DOP1B: variants seen among roughly 807,000 people sequenced by gnomAD.
DOP1B encodes the protein DOP1 leucine zipper like protein B.
Under a neutral mutation model 233.5 loss-of-function variants are expected in DOP1B, and 174 were observed. The observed-to-expected ratio is 0.75, with a 90% CI of 0.66 to 0.85. The LOEUF (loss-of-function observed/expected upper bound fraction) is 0.85. DOP1B is among the 40% of genes least tolerant of loss of function. DOP1B has a pLI of 0.00. For synonymous variants in DOP1B, 1,190 were observed against 1,185.6 expected (o/e 1.00, Z -0.08); for missense variants, 2,652 against 2,846.6 (o/e 0.93, Z 1.56).
chr21:36,245,361 C>T lies in DOP1B; in HGVS notation c.3381C>T (p.Ser1127=), dbSNP rs555683639. The T allele has an allele frequency of 2.5e-6, 4 of 1,614,056 alleles. No homozygotes were observed. In the African/African-American group the frequency reaches 4.0e-5, roughly 16 times the overall value. ...SCHTDSENTS[S]FSSPSHDLQE... Reference sequence around the variant, plus strand: ...ACACGGACAGCGAGAACACGTCCTCCTTCTCCTCCCCTTCCCACGACCTGC... The same window carrying T: ...ACACGGACAGCGAGAACACGTCCTCTTTCTCCTCCCCTTCCCACGACCTGC... The change falls in exon 19 of 37, where the codon TCC becomes TCT. Residue 1127 remains serine, a synonymous_variant. Transcript: ENST00000691173. The surrounding 1 kb of genome is among the most constrained non-coding windows in gnomAD (Gnocchi z 5.5).
intron 24 of DOP1B, among the ~76,000 whole-genome samples, chr21:36,263,000 C>T (rs1027296724): frequency 2.6e-5 from 4 of 151,664 alleles, no homozygotes; most frequent in East Asian, 1.9e-4. Flanking sequence ...TTTGGGAGGC[C>T]GAGGCGGGTG....
chr21:36,182,942 C>A (rs1321172338), intron 2 of DOP1B, among the ~76,000 whole-genome samples: 1 of 152,210 alleles, frequency 6.6e-6, no homozygotes, highest in Non-Finnish European at 1.5e-5. Context: ...GCTCCTTTAG[C>A]CCTGGTTTCC....
intron 26 of DOP1B, among the ~76,000 whole-genome samples, chr21:36,264,497 A>G (rs1409341897): frequency 2.0e-5 from 3 of 150,968 alleles, no homozygotes; most frequent in Non-Finnish European, 4.4e-5. Context: ...GGGGTTGGAC[A>G]GAATCTCACT....
chr21:36,235,982 C>T (rs2066821434), intron 15 of DOP1B, among the ~76,000 whole-genome samples: 1 of 151,968 alleles, frequency 6.6e-6, no homozygotes, highest in African/African-American at 2.4e-5. Context: ...GGAGTTTGAG[C>T]CAGTCAGTGG....
intron 9 of DOP1B, 104 bp downstream of exon 9, chr21:36,214,660 A>G (rs2066540036): frequency 2.9e-6 from 3 of 1,022,506 alleles, no homozygotes; most frequent in East Asian, 2.6e-5. Context: ...TTTGAATATA[A>G]TTTAATATTT....
In DOP1B at chr21:36,201,643, C is replaced by T. The variant is rs112086217; in HGVS notation, c.491+1142C>T. Among the ~76,000 whole-genome samples, 359 of 152,194 alleles carry T rather than the reference C, an allele frequency of 2.4e-3. 1 individual carries two copies. The highest frequency in any genetic ancestry group is 7.9e-3 in the African/African-American group (328 of 41,554). ...GATTACAGGCGTGAGCCACCACACACGGCTCATATCAGATTCTAAAGTCCT... is the reference window on the plus strand; with the variant it reads ...GATTACAGGCGTGAGCCACCACACATGGCTCATATCAGATTCTAAAGTCCT... On this transcript the variant is annotated intron_variant, in intron 4 of 36. Transcript: ENST00000691173.
At chr21:36,180,854 C>G (rs2066090631) in intron 2 of DOP1B, among the ~76,000 whole-genome samples, 1 of 151,038 alleles carries the variant, frequency 6.6e-6, no homozygotes, top group Non-Finnish European at 1.5e-5. Flanking sequence ...GCATTCCAGC[C>G]TGGGTTGTCA....
intron 4 of DOP1B, among the ~76,000 whole-genome samples, chr21:36,204,449 A>G (rs1292145706): frequency 6.6e-6 from 1 of 152,078 alleles, no homozygotes; most frequent in Non-Finnish European, 1.5e-5. Context: ...GGAGGAAACA[A>G]ATGGACCCTT....
At chr21:36,272,463 A>G (rs2067299346) in intron 27 of DOP1B, among the ~76,000 whole-genome samples, 1 of 150,802 alleles carries the variant, frequency 6.6e-6, no homozygotes, top group Non-Finnish European at 1.5e-5. Flanking sequence ...TGGCCTGGCC[A>G]ACTTGGCGAA....
intron 2 of DOP1B, among the ~76,000 whole-genome samples, chr21:36,187,954 A>G (rs948777215): frequency 8.5e-5 from 13 of 152,146 alleles, no homozygotes; most frequent in African/African-American, 2.7e-4. Flanking sequence ...TGATACACCC[A>G]GCCTTCAGTT....
Position 36,246,682 on chromosome 21 carries a change from G to A in DOP1B, c.4697+5G>A, listed in dbSNP as rs779688437. On this transcript the variant is annotated splice_donor_5th_base_variant and intron_variant, in intron 19 of 36. Transcript: ENST00000691173. The surrounding 1 kb of genome is among the most constrained non-coding windows in gnomAD (Gnocchi z 5.1). ...ATCTGTGAAGCTCTCTGTCAGGTGC[G>A]TTACGCTCCTTGTGACATCTTTATT... is the stretch of plus-strand genomic sequence containing the variant. 94 of 1,600,250 alleles carry A rather than the reference G, an allele frequency of 5.9e-5. No homozygotes were observed. Among genetic ancestry groups the A allele is most frequent in the Middle Eastern group, 1.7e-4 (1 of 6,036 alleles).
chr21:36,158,177 G>A (rs1173151708), intron 1 of DOP1B, among the ~76,000 whole-genome samples: 1 of 152,138 alleles, frequency 6.6e-6, no homozygotes, highest in East Asian at 1.9e-4. Context: ...TAAGGTATCT[G>A]AGCAGATACA....
intron 2 of DOP1B, among the ~76,000 whole-genome samples, chr21:36,197,962 G>A (rs1013105517): frequency 6.7e-6 from 1 of 150,366 alleles, no homozygotes; most frequent in Non-Finnish European, 1.5e-5. Flanking sequence ...GGAGGTTGCA[G>A]TGAGCCAAGA....
At chr21:36,252,360 A>T (rs979780928) in intron 22 of DOP1B, among the ~76,000 whole-genome samples, 1 of 151,084 alleles carries the variant, frequency 6.6e-6, no homozygotes, top group African/African-American at 2.4e-5. Flanking sequence ...TGGGAGGCTG[A>T]GATGGAAGGA....
chr21:36,161,120 G>A (rs1471074013), intron 1 of DOP1B, among the ~76,000 whole-genome samples: 1 of 129,838 alleles, frequency 7.7e-6, no homozygotes, highest in Non-Finnish European at 1.7e-5. Flanking sequence ...GGAATTGAGA[G>A]TTTACTGTTG....
At chr21:36,286,675 AAACTG>A in intron 32 of DOP1B, among the ~76,000 whole-genome samples, 2 of 136,500 alleles carry the variant, frequency 1.5e-5, no homozygotes, top group Non-Finnish European at 3.2e-5. Context: ...CACACACACA[AAACTG>A]ACTGAGCATG....
chr21:36,197,256 C>CATTTT (rs1449799629), intron 2 of DOP1B, among the ~76,000 whole-genome samples: 1 of 152,018 alleles, frequency 6.6e-6, no homozygotes, highest in East Asian at 1.9e-4. Flanking sequence ...TTAAAGATGT[C>CATTTT]ATTTTATTGA....
In DOP1B at chr21:36,239,950, C is replaced by T. The variant is rs7278340; in HGVS notation, c.3062C>T (p.Ser1021Leu). 6,026 of 1,608,354 alleles carry T rather than the reference C, an allele frequency of 3.7e-3. 170 individuals carry two copies. The African/African-American group carries it at 0.066, about 18-fold the overall frequency. ...TSIHCLKQEN[S>L]ADDLHRWFNR... ...ATCCACTGCCTCAAGCAGGAGAACT[C>T]GGCCGGTGAGCAGCCTGCACAGGAC... Residue 1021 changes from serine to leucine, a missense_variant, in exon 18 of 37, where the codon TCG (serine) becomes TTG (leucine). Around this residue, in one of 3 missense-constraint regions of DOP1B, gnomAD observed 2,617 missense variants for 2,794.3 expected, o/e 0.94. Transcript: ENST00000691173.
chr21:36,263,237 CAAA>C (rs34161973), intron 24 of DOP1B, among the ~76,000 whole-genome samples: 3 of 102,984 alleles, frequency 2.9e-5, no homozygotes, highest in Non-Finnish European at 1.9e-5. Flanking sequence ...TCCGTCTCAC[CAAA>C]AAAAAAAAAA....
Sources: gnomAD v4.1 joint callset for allele counts (sites outside exome capture counted in the v4.1 genomes callset) on GRCh38, gnomAD v4.1.1 for gene constraint, gnomAD v4.1.1 regional missense constraint, Gnocchi (gnomAD v3.1) non-coding constraint, MANE v1.5 for transcripts, NCBI Gene and HGNC (gene_info 2026-07-23, HGNC 2026-07-21) for gene names.